TTC39C: variants seen among roughly 807,000 people sequenced by gnomAD.
The protein encoded by TTC39C is tetratricopeptide repeat domain 39C, also known as tetratricopeptide repeat protein 39C.
TTC39C carries 33 observed loss-of-function variants against 76.3 expected under a neutral mutation model. That is an observed-to-expected ratio of 0.43 (90% CI 0.33 to 0.58). TTC39C has a LOEUF of 0.58. Ranked by LOEUF, TTC39C falls within the 20% of genes least tolerant of loss-of-function variation. The probability of loss-of-function intolerance (pLI) is 0.04; values close to 1 mark genes in which losing one functional copy is unlikely to be tolerated. For synonymous variants in TTC39C, 254 were observed against 260.6 expected (o/e 0.97, Z 0.24); for missense variants, 595 against 701.4 (o/e 0.85, Z 1.71).
chr18:24,083,810 G>C (rs2145763955), intron 6 of TTC39C, among the ~76,000 whole-genome samples: 1 of 152,204 alleles, frequency 6.6e-6, no homozygotes, highest in South Asian at 2.1e-4. Flanking sequence ...AGGATTTGTA[G>C]AAAAATGAAA....
At chr18:23,997,920 T>C (rs1197128535) in intron 1 of TTC39C, among the ~76,000 whole-genome samples, 5 of 150,292 alleles carry the variant, frequency 3.3e-5, no homozygotes, top group Non-Finnish European at 5.9e-5. Context: ...TAGAGAAGAG[T>C]TGCCTTGAGC....
intron 12 of TTC39C, 47 bp from the exon 13 acceptor site, chr18:24,131,835 C>A: frequency 6.4e-7 from 1 of 1,552,906 alleles, no homozygotes; most frequent in Non-Finnish European, 8.8e-7. Flanking sequence ...TTTCTGCCTG[C>A]GTATATATAA....
intron 1 of TTC39C, among the ~76,000 whole-genome samples, chr18:23,996,699 A>T (rs2083263895): frequency 6.6e-6 from 1 of 152,192 alleles, no homozygotes; most frequent in Admixed American, 6.5e-5. Flanking sequence ...GAGGCCTAGA[A>T]ATCTATATAC....
intron 1 of TTC39C, chr18:24,001,660 C>T (rs2083311320): frequency 6.6e-6 from 1 of 152,256 alleles, no homozygotes; most frequent in African/African-American, 2.4e-5. Flanking sequence ...CATCGGTGTC[C>T]TAAGTAAACA....
At chr18:24,004,605 A>G (rs977540473) in intron 1 of TTC39C, among the ~76,000 whole-genome samples, 2 of 152,160 alleles carry the variant, frequency 1.3e-5, no homozygotes, top group Non-Finnish European at 2.9e-5. Flanking sequence ...TTGCTGCTAC[A>G]TGGAATTTTT....
At chr18:24,058,657 AT>A (rs1359235059) in intron 1 of TTC39C, among the ~76,000 whole-genome samples, 2 of 152,150 alleles carry the variant, frequency 1.3e-5, no homozygotes, top group African/African-American at 4.8e-5. Context: ...CAAAAAAAAA[AT>A]CATTAGAATA....
In TTC39C at chr18:24,019,923, A is replaced by G. The variant is rs202013210; in HGVS notation, c.167+4885A>G. Reference sequence around the variant, plus strand: ...CTGGAGAAACTCAAAGGCGCTTGTAAGAGATGTTGAGTCAGCAGGCCTCTG... The same window carrying G: ...CTGGAGAAACTCAAAGGCGCTTGTAGGAGATGTTGAGTCAGCAGGCCTCTG... On this transcript the variant is annotated intron_variant, in intron 1 of 13. Transcript: ENST00000317571. The G allele has an allele frequency of 1.8e-3, 2,678 of 1,520,428 alleles. 69 individuals carry two copies. In the South Asian group the frequency reaches 0.031, roughly 18 times the overall value. 94.2% of individuals were successfully genotyped at this position (1,520,428 alleles called of 1,614,324 possible). A position where few individuals can be genotyped will look rare whatever the true frequency, so the allele number is the denominator to read the frequency against.
intron 6 of TTC39C, among the ~76,000 whole-genome samples, chr18:24,085,826 G>A (rs1450010426): frequency 6.6e-6 from 1 of 152,170 alleles, no homozygotes; most frequent in East Asian, 1.9e-4. Flanking sequence ...AATATGATGA[G>A]TGTTTCTGTT....
At chr18:23,997,125 A>C (rs1013508412) in intron 1 of TTC39C, among the ~76,000 whole-genome samples, 22 of 150,094 alleles carry the variant, frequency 1.5e-4, no homozygotes, top group African/African-American at 5.4e-4. Context: ...AAAAAAAAGA[A>C]ATTGGTTTAG....
intron 3 of TTC39C, among the ~76,000 whole-genome samples, chr18:24,068,778 CTT>C (rs1454660320): frequency 6.6e-6 from 1 of 152,168 alleles, no homozygotes; most frequent in Non-Finnish European, 1.5e-5. Context: ...GCAAAGTTGA[CTT>C]TTCAGGTTAT....
At chr18:24,045,512 ATTAG>A (rs147521853) in intron 1 of TTC39C, among the ~76,000 whole-genome samples, 8 of 152,234 alleles carry the variant, frequency 5.3e-5, no homozygotes, top group African/African-American at 1.9e-4. Flanking sequence ...TGCTTATATG[ATTAG>A]TTATAGAATT....
chr18:24,054,896 A>C (rs900767436), intron 1 of TTC39C, among the ~76,000 whole-genome samples: 1 of 152,152 alleles, frequency 6.6e-6, no homozygotes, highest in South Asian at 2.1e-4. Context: ...ATGGCTCCCC[A>C]TTCCTTTCCC....
intron 9 of TTC39C, 51 bp from the exon 10 acceptor site, chr18:24,125,376 A>T: frequency 6.2e-7 from 1 of 1,610,174 alleles, no homozygotes; most frequent in Non-Finnish European, 8.5e-7. Context: ...TATATTTTTT[A>T]TTTGAATTTG....
At chr18:24,131,778 T>C (rs2085133526) in intron 12 of TTC39C, 104 bp from the exon 13 acceptor site, 1 of 888,560 alleles carries the variant, frequency 1.1e-6, no homozygotes, top group Non-Finnish European at 1.8e-6. Context: ...CTCATTGCTA[T>C]GTCTACAGTG....
intron 1 of TTC39C, among the ~76,000 whole-genome samples, chr18:24,002,498 A>G (rs1385159842): frequency 6.6e-6 from 1 of 152,216 alleles, no homozygotes; most frequent in Non-Finnish European, 1.5e-5. Flanking sequence ...GAAGTTTGGC[A>G]AAGAGGAGTC....
chr18:24,018,669 G>T (rs2083484189), intron 1 of TTC39C, among the ~76,000 whole-genome samples: 2 of 152,058 alleles, frequency 1.3e-5, no homozygotes, highest in African/African-American at 4.8e-5. Flanking sequence ...TTATGATGGG[G>T]TAGAAGAGAA....
intron 6 of TTC39C, among the ~76,000 whole-genome samples, chr18:24,109,795 G>T (rs889228529): frequency 6.6e-6 from 1 of 151,946 alleles, no homozygotes; most frequent in African/African-American, 2.4e-5. Flanking sequence ...ACTTGAGGTC[G>T]GGAGCTCGAG....
intron 6 of TTC39C, among the ~76,000 whole-genome samples, chr18:24,084,589 A>G (rs1013710918): frequency 2.0e-5 from 3 of 151,128 alleles, no homozygotes; most frequent in African/African-American, 7.3e-5. Context: ...ATTATCTTGC[A>G]ATTGTTTTTC....
At chr18:24,123,508 G>C (rs2085004135) in intron 8 of TTC39C, 1 of 185,508 alleles carries the variant, frequency 5.4e-6, no homozygotes, top group Non-Finnish European at 1.1e-5. Flanking sequence ...CTAAGTTCAA[G>C]CGATTCTCCT....
Sources: gnomAD v4.1 joint callset for allele counts (sites outside exome capture counted in the v4.1 genomes callset) on GRCh38, gnomAD v4.1.1 for gene constraint, MANE v1.5 for transcripts, NCBI Gene and HGNC (gene_info 2026-07-23, HGNC 2026-07-21) for gene names.